The following ANKRD17 variants were observed in gnomAD, a reference collection of about 807,000 sequenced individuals.
The protein encoded by ANKRD17 is ankyrin repeat domain 17.
In ANKRD17, 19 loss-of-function variants were observed where a neutral mutation model predicts 229.7. The ratio of observed to expected loss-of-function variants is 0.08; its 90% CI spans 0.06 to 0.12. The LOEUF (loss-of-function observed/expected upper bound fraction) is 0.12, where lower values mean the gene tolerates loss of function less well. ANKRD17 is among the 10% of genes least tolerant of loss of function. ANKRD17 has a pLI of 1.00. For synonymous variants in ANKRD17, 1,112 were observed against 1,146.1 expected, an observed-to-expected ratio of 0.97 and a Z score of 0.60; for missense variants, 2,176 against 3,176.8, an observed-to-expected ratio of 0.68 and a Z score of 7.57.
At chr4:73,257,375 A>G (rs547975057) in intron 1 of ANKRD17, among the ~76,000 whole-genome samples, 120 of 152,312 alleles carry the variant, frequency 7.9e-4, no homozygotes, top group African/African-American at 2.9e-3. Context: ...GAAAAATTAT[A>G]AAGTTATTAT....
intron 27 of ANKRD17, among the ~76,000 whole-genome samples, chr4:73,095,991 C>T (rs1043725465): frequency 4.0e-5 from 6 of 151,864 alleles, no homozygotes; most frequent in African/African-American, 1.2e-4. Context: ...GTGTCAGGCC[C>T]GAATTCCTGA....
chr4:73,115,943 T>TGAAAACAGACTCTAACAGTTCA, intron 22 of ANKRD17, 27 bp from the exon 23 acceptor site: 2 of 1,587,266 alleles, frequency 1.3e-6, no homozygotes, highest in Non-Finnish European at 1.7e-6. Context: ...AATGTCAGAT[T>TGAAAACAGACTCTAACAGTTCA]GAAAACAGAC....
In ANKRD17 at chr4:73,161,241, G is replaced by A; in HGVS notation, c.655C>T (p.Leu219Phe). The change falls in exon 3 of 34, where the codon CTT becomes TTT. Residue 219 changes from leucine (L) to phenylalanine (F), a missense_variant. By Grantham distance (22) the Leu-to-Phe change is conservative. Around this residue, in one of 18 missense-constraint regions of ANKRD17, gnomAD observed 184 missense variants for 357.8 expected, o/e 0.51. Transcript: ENST00000358602. The part of the protein sequence containing the change: ...SCALDEAAAA[L>F]TRMRAESTAN... ...GTGCTTTCAGCTCTCATACGGGTAA[G>A]TGCAGCAGCAGCTTCATCCAACGCA... 6.2e-6 allele frequency: 10 copies of A among 1,614,248 alleles called. No homozygotes were observed. Among genetic ancestry groups the A allele is most frequent in the Non-Finnish European group, 8.5e-6 (10 of 1,180,044 alleles).
chr4:73,197,181 A>G (rs1578357930), intron 1 of ANKRD17, among the ~76,000 whole-genome samples: 1 of 152,226 alleles, frequency 6.6e-6, no homozygotes, highest in South Asian at 2.1e-4. Flanking sequence ...CTTGTAGTAG[A>G]AGGTGAAAAA....
At chr4:73,151,323 T>G in intron 7 of ANKRD17, 107 bp downstream of exon 7, 1 of 956,208 alleles carries the variant, frequency 1.0e-6, no homozygotes, top group Non-Finnish European at 1.6e-6. Flanking sequence ...TCAATAAGGT[T>G]CTGACAAACA....
intron 1 of ANKRD17, among the ~76,000 whole-genome samples, chr4:73,244,490 G>A (rs543792335): frequency 1.8e-4 from 28 of 152,244 alleles, no homozygotes; most frequent in African/African-American, 6.3e-4. Flanking sequence ...CCTTAGATGC[G>A]CTAGCCACAT....
chr4:73,162,668 C>G (rs748058242), intron 2 of ANKRD17, among the ~76,000 whole-genome samples: 2 of 151,986 alleles, frequency 1.3e-5, no homozygotes, highest in Admixed American at 1.3e-4. Flanking sequence ...CCATTCAGAA[C>G]TGCAAAATTA....
chr4:73,154,038 C>T lies in ANKRD17; in HGVS notation c.1076G>A (p.Ser359Asn). The T allele has an allele frequency of 6.2e-7, 1 of 1,612,762 alleles. No individual in the cohort carries two copies. Among genetic ancestry groups the T allele is most frequent in the African/African-American group, 1.3e-5 (1 of 74,992 alleles). Residue 359 changes from serine to asparagine, a missense_variant, in exon 6 of 34, where the codon AGT becomes AAT. Physicochemically the swap from Ser to Asn is conservative, Grantham distance 46. Around this residue, in one of 18 missense-constraint regions of ANKRD17, gnomAD observed 184 missense variants for 357.8 expected, o/e 0.51. Coordinates refer to ENST00000358602, the MANE Select transcript of ANKRD17 (RefSeq NM_032217.5). ...VVKVLLESGA[S>N]IEDHNENGHT... ...ACCATTTTCATTATGGTCCTCAATA[C>T]TAGCACCGGATTCCAAGAGCACCTT... is the stretch of plus-strand genomic sequence containing the variant.
At position 73,221,562 on chromosome 4, in the gene ANKRD17, C is replaced by T. The variant is rs368555718; in HGVS notation, c.393+36714G>A. Among the ~76,000 whole-genome samples, 44 of 152,154 alleles carry T rather than the reference C, an allele frequency of 2.9e-4. 1 individual carries two copies. Among genetic ancestry groups the T allele is most frequent in the East Asian group, 1.5e-3 (8 of 5,198 alleles). ...CAAATTAAAATGTAACACTAGAACT[C>T]TGTAATCTAATTAGGCTTATTTAAA... is the stretch of plus-strand genomic sequence containing the variant. On this transcript the variant is annotated intron_variant, in intron 1 of 33. Transcript: ENST00000358602.
Position 73,181,975 on chromosome 4 carries a change from G to A in ANKRD17, c.394-4442C>T, listed in dbSNP as rs770444373. 3.0e-5 allele frequency among the ~76,000 whole-genome samples: 4 copies of A among 134,416 alleles called. No homozygotes were observed. The South Asian group carries it at 7.5e-4, about 25-fold the overall frequency. 88.2% of individuals were successfully genotyped at this position (134,416 alleles called of 152,430 possible). ...AGGCAGGAGAATCACTTAAACCCGG[G>A]AGGTGAAGGTTGCAGTGAGCCGAGA... is the stretch of plus-strand genomic sequence containing the variant. On this transcript the variant is annotated intron_variant, in intron 1 of 33. Coordinates refer to ENST00000358602, the MANE Select transcript of ANKRD17 (RefSeq NM_032217.5).
chr4:73,225,861 CAAAAAAAAAAAAAAA>C (rs375866026), intron 1 of ANKRD17, among the ~76,000 whole-genome samples: 2,829 of 67,030 alleles, frequency 0.042, 180 homozygotes, highest in African/African-American at 0.15. Context: ...GACTCTGTCT[CAAAAAAAAAAAAAAA>C]AAAAAAAAAG....
At chr4:73,184,323 G>A (rs1223470322) in intron 1 of ANKRD17, among the ~76,000 whole-genome samples, 2 of 152,080 alleles carry the variant, frequency 1.3e-5, no homozygotes, top group African/African-American at 4.8e-5. Flanking sequence ...GAGGTCAGGA[G>A]TTCGAGACCA....
intron 1 of ANKRD17, among the ~76,000 whole-genome samples, chr4:73,205,828 T>C (rs1461143552): frequency 6.6e-6 from 1 of 152,128 alleles, no homozygotes; most frequent in Non-Finnish European, 1.5e-5. Flanking sequence ...GAGAAAATAT[T>C]TTTAAACATA....
chr4:73,177,667 C>A lies in ANKRD17; in HGVS notation c.394-134G>T, dbSNP rs560752911. 744 of 622,582 alleles carry A rather than the reference C, an allele frequency of 1.2e-3. 19 individuals carry two copies. The South Asian group carries it at 0.017, about 15-fold the overall frequency. 38.6% of individuals were successfully genotyped at this position (622,582 alleles called of 1,614,324 possible). ...ATTAACAATGGTAAACACAGTGCAA[C>A]CCTAAAAAGTTCAACATGACATCTA... On this transcript the variant is annotated intron_variant, in intron 1 of 33. Transcript: ENST00000358602.
chr4:73,221,797 A>G (rs1298200903), intron 1 of ANKRD17, among the ~76,000 whole-genome samples: 1 of 152,234 alleles, frequency 6.6e-6, no homozygotes, highest in Non-Finnish European at 1.5e-5. Context: ...AAAAGAGCAC[A>G]TTGGCAGGTG....
intron 25 of ANKRD17, chr4:73,098,995 G>A: frequency 1.0e-6 from 1 of 980,960 alleles, no homozygotes. Context: ...AGAGACCTTG[G>A]GGCCAACCAA....
chr4:73,252,955 AG>A (rs1745157289), intron 1 of ANKRD17, among the ~76,000 whole-genome samples: 1 of 152,214 alleles, frequency 6.6e-6, no homozygotes, highest in Non-Finnish European at 1.5e-5. Flanking sequence ...ACTGCAAAAA[AG>A]CGTCTCCCCT....
chr4:73,097,960 C>A, intron 26 of ANKRD17, 113 bp downstream of exon 26: 1 of 958,158 alleles, frequency 1.0e-6, no homozygotes. Flanking sequence ...TTCTTTAGCA[C>A]AAAGAAAAAT....
rs564158554 is a variant in ANKRD17 at position 73,139,323 on chromosome 4, G to C, written c.3085+208C>G. Among the ~76,000 whole-genome samples the C allele has an allele frequency of 3.3e-5, 5 of 152,302 alleles. No homozygotes were observed. In the South Asian group the frequency reaches 6.2e-4, roughly 19 times the overall value. ...TCAAGCTACCAAGCTAAGCCAGAAA[G>C]CTTCAGTCATTTGTACTGAATGAGC... On this transcript the variant is annotated intron_variant, in intron 15 of 33. Transcript: ENST00000358602.
Sources: allele counts gnomAD v4.1 joint callset (sites outside exome capture counted in the v4.1 genomes callset), GRCh38; gene constraint gnomAD v4.1.1; regional missense constraint gnomAD v4.1.1; transcripts MANE v1.5; gene names NCBI Gene and HGNC (gene_info 2026-07-23, HGNC 2026-07-21).